Variants in SDE2 observed in about 807,000 individuals in gnomAD.
SDE2 encodes the protein spliceosome associated SDE2, also known as splicing regulator SDE2.
SDE2 carries 31 observed loss-of-function variants against 46.9 expected under a neutral mutation model. The ratio of observed to expected loss-of-function variants is 0.66; its 90% CI spans 0.50 to 0.89. The LOEUF (loss-of-function observed/expected upper bound fraction) is 0.89. Ranked by LOEUF, SDE2 falls within the 40% of genes least tolerant of loss-of-function variation. SDE2 has a pLI of 0.00. For missense variants in SDE2, 542 were observed against 564.4 expected (o/e 0.96, Z 0.40); for synonymous variants, 205 against 204.3 (o/e 1.00, Z -0.03).
rs551766707 is a variant in SDE2 at position 225,985,098 on chromosome 1, T to C, written c.*204A>G. On this transcript the variant is annotated 3_prime_UTR_variant, in exon 7 of 7. Coordinates refer to ENST00000272091, the MANE Select transcript of SDE2 (RefSeq NM_152608.4). Reference sequence around the variant, plus strand: ...AGCCCTATATTTATTAAATACACTATAGAAAACCAGACAAAGAAAATTTAA... The same window carrying C: ...AGCCCTATATTTATTAAATACACTACAGAAAACCAGACAAAGAAAATTTAA... 130 of 582,536 alleles carry C rather than the reference T, an allele frequency of 2.2e-4. No homozygotes were observed. Among genetic ancestry groups the C allele is most frequent in the Middle Eastern group, 4.5e-4 (1 of 2,218 alleles). 36.1% of individuals were successfully genotyped at this position (582,536 alleles called of 1,614,324 possible). A position where few individuals can be genotyped will look rare whatever the true frequency, so the allele number is the denominator to read the frequency against.
At chr1:225,998,112 G>T (rs1405971738) in intron 1 of SDE2, among the ~76,000 whole-genome samples, 1 of 152,006 alleles carries the variant, frequency 6.6e-6, no homozygotes, top group Non-Finnish European at 1.5e-5. Context: ...CGGGCAACGG[G>T]AGTCAAACTC....
intron 1 of SDE2, among the ~76,000 whole-genome samples, chr1:225,997,389 C>G (rs554698401): frequency 8.5e-5 from 13 of 152,290 alleles, no homozygotes; most frequent in Non-Finnish European, 4.4e-5. Context: ...TTGCTATGGT[C>G]ATGTTCCTTA....
rs1288860042 is a variant in SDE2, at chr1:225,987,928, C to T, written c.1102G>A (p.Ala368Thr). 2.5e-6 allele frequency: 4 copies of T among 1,612,438 alleles called. No homozygotes were observed. Residue 368 changes from alanine (A) to threonine (T), a missense_variant, in exon 6 of 7, where the codon GCC becomes ACC. This residue lies in a region of SDE2 where 401 missense variants were observed against 437.8 expected (regional missense o/e 0.92). Transcript: ENST00000272091. Reference sequence around the variant, plus strand: ...CCTGGCTGGCTTTCCTGCAGTTTGGCAACGGCAACGTTTTCCCTTTCTTCA... The same window carrying T: ...CCTGGCTGGCTTTCCTGCAGTTTGGTAACGGCAACGTTTTCCCTTTCTTCA... ...APEERENVAV[A>T]KLQESQPGNA...
rs117513827 is a variant in SDE2 at position 225,993,058 on chromosome 1, G to A, written c.239-56C>T. The A allele has an allele frequency of 1.3e-3, 1,055 of 830,434 alleles. 12 individuals carry two copies. In the East Asian group the frequency reaches 0.02, roughly 16 times the overall value. The allele number at this position is 830,434 out of a possible 1,614,324, so 51.4% of individuals were successfully genotyped here. On this transcript the variant is annotated intron_variant, in intron 2 of 6. Coordinates refer to ENST00000272091, the MANE Select transcript of SDE2 (RefSeq NM_152608.4). The stretch of plus-strand genomic sequence containing the variant: ...AAAATGTGTTCAAGGATGGATAAAA[G>A]CAGAATTTGTGAAAACAATCTGTAT...
intron 2 of SDE2, among the ~76,000 whole-genome samples, chr1:225,993,744 T>C (rs896098607): frequency 2.6e-5 from 4 of 152,176 alleles, no homozygotes; most frequent in Non-Finnish European, 5.9e-5. Flanking sequence ...CTGGCTGATA[T>C]AACATGCTTC....
At chr1:225,991,476 C>T in intron 4 of SDE2, 113 bp from the exon 5 acceptor site, 2 of 717,630 alleles carry the variant, frequency 2.8e-6, no homozygotes, top group Non-Finnish European at 4.6e-6. Context: ...ATTTAAATTT[C>T]TTAAGATACC....
intron 3 of SDE2, 44 bp downstream of exon 3, chr1:225,992,847 T>C: frequency 9.1e-7 from 1 of 1,095,514 alleles, no homozygotes; most frequent in Middle Eastern, 2.0e-4. Context: ...AATAGGAAAG[T>C]ATATGTCTCT....
At chr1:225,993,210 A>G (rs1176998235) in intron 2 of SDE2, among the ~76,000 whole-genome samples, 1 of 151,228 alleles carries the variant, frequency 6.6e-6, no homozygotes, top group African/African-American at 2.4e-5. Context: ...TTCACCTTTC[A>G]TTTTATAGTT....
At chr1:225,996,443 G>C (rs74899449) in intron 1 of SDE2, among the ~76,000 whole-genome samples, 107 of 152,184 alleles carry the variant, frequency 7.0e-4, no homozygotes, top group Non-Finnish European at 1.4e-3. Context: ...TTTCCAAACA[G>C]AATGGCTTAT....
At chr1:225,995,411 C>G (rs768161317) in intron 1 of SDE2, 28 bp from the exon 2 acceptor site, 1 of 1,129,546 alleles carries the variant, frequency 8.9e-7, no homozygotes. Context: ...TTTTTAATGC[C>G]TTTTATGAGA....
chr1:225,995,395 T>TTTG lies in SDE2; in HGVS notation c.121-15_121-13dup. On this transcript the variant is annotated splice_polypyrimidine_tract_variant and intron_variant, in intron 1 of 6. Coordinates refer to ENST00000272091, the MANE Select transcript of SDE2 (RefSeq NM_152608.4). ...TCCACTGGAACATTCTAGAGACAAA[T>TTTG]TTGTTTTTTTAATGCCTTTTATGAG... 6.6e-7 allele frequency: 1 copy of TTTG among 1,508,016 alleles called. No individual in the cohort carries two copies. Among genetic ancestry groups the TTTG allele is most frequent in the Non-Finnish European group, 9.2e-7 (1 of 1,086,474 alleles). The allele number at this position is 1,508,016 out of a possible 1,614,324, so 93.4% of individuals were successfully genotyped here. A position where few individuals can be genotyped will look rare whatever the true frequency, so the allele number is the denominator to read the frequency against.
At chr1:225,993,421 C>A (rs1656448781) in intron 2 of SDE2, among the ~76,000 whole-genome samples, 1 of 152,076 alleles carries the variant, frequency 6.6e-6, no homozygotes, top group Admixed American at 6.5e-5. Flanking sequence ...ACCATCCTGG[C>A]TAACACAGTG....
chr1:225,995,500 T>C, intron 1 of SDE2, 117 bp from the exon 2 acceptor site: 1 of 529,136 alleles, frequency 1.9e-6, no homozygotes, highest in Non-Finnish European at 3.4e-6. Context: ...GTTCAATTAA[T>C]ATTTGTTGAA....
chr1:225,986,820 G>GTT (rs1656280348), intron 6 of SDE2, among the ~76,000 whole-genome samples: 1 of 152,188 alleles, frequency 6.6e-6, no homozygotes, highest in Non-Finnish European at 1.5e-5. Flanking sequence ...AGTCTCACCA[G>GTT]AAAGGGCAAT....
chr1:225,997,929 A>G (rs1228487369), intron 1 of SDE2, among the ~76,000 whole-genome samples: 1 of 152,024 alleles, frequency 6.6e-6, no homozygotes, highest in Non-Finnish European at 1.5e-5. Context: ...TCAGGAGTTC[A>G]AGACCTGGCC....
rs1576175343 is a variant in SDE2, at chr1:225,991,156, A to C, written c.641+87T>G. On this transcript the variant is annotated intron_variant, in intron 5 of 6. Coordinates refer to ENST00000272091, the MANE Select transcript of SDE2 (RefSeq NM_152608.4). ...TCTGAGCTCCCACCAAACACTACACAAAAATGTGTTTATGCCAGATAAACA... is the reference window on the plus strand; with the variant it reads ...TCTGAGCTCCCACCAAACACTACACCAAAATGTGTTTATGCCAGATAAACA... The C allele has an allele frequency of 3.6e-6, 5 of 1,398,496 alleles. No homozygotes were observed. In the East Asian group the frequency reaches 1.2e-4, roughly 32 times the overall value. The allele number at this position is 1,398,496 out of a possible 1,614,324, so 86.6% of individuals were successfully genotyped here. A position where few individuals can be genotyped will look rare whatever the true frequency, so the allele number is the denominator to read the frequency against.
intron 6 of SDE2, among the ~76,000 whole-genome samples, chr1:225,986,165 C>T (rs1656263177): frequency 6.6e-6 from 1 of 151,882 alleles, no homozygotes; most frequent in Non-Finnish European, 1.5e-5. Context: ...CCCGTCTCTA[C>T]TAAAAATACA....
chr1:225,988,429 T>C, intron 5 of SDE2, 41 bp from the exon 6 acceptor site: 1 of 1,603,608 alleles, frequency 6.2e-7, no homozygotes, highest in Non-Finnish European at 8.5e-7. Flanking sequence ...GTTTGTAGCT[T>C]CTATTTAAAG....
intron 1 of SDE2, 103 bp downstream of exon 1, chr1:225,999,090 C>A (rs895145598): frequency 1.1e-6 from 1 of 892,292 alleles, no homozygotes; most frequent in South Asian, 1.6e-5. Context: ...GAGTGAAAAC[C>A]CCAGAGAATA....
Sources: gnomAD v4.1 joint callset for allele counts (sites outside exome capture counted in the v4.1 genomes callset) on GRCh38, gnomAD v4.1.1 for gene constraint, gnomAD v4.1.1 regional missense constraint, MANE v1.5 for transcripts, NCBI Gene and HGNC (gene_info 2026-07-23, HGNC 2026-07-21) for gene names.